Variants in NRL observed in about 807,000 individuals in gnomAD.
The protein encoded by NRL is neural retina-specific leucine zipper protein.
A neutral mutation model predicts 12.5 loss-of-function variants in NRL; 16 were observed. That is an observed-to-expected ratio of 1.28 (90% CI 0.87 to 1.95). The LOEUF is 1.95. NRL is among the 30% of genes most tolerant of loss of function. The pLI, the probability that NRL is intolerant of heterozygous loss-of-function variation, is 0.00. For missense variants in NRL, 314 were observed against 325.8 expected (o/e 0.96, Z 0.28); for synonymous variants, 142 against 150.9 (o/e 0.94, Z 0.43).
At chr14:24,093,155 T>C (rs2036688348) in intron 1 of NRL, 2 of 152,406 alleles carry the variant, frequency 1.3e-5, no homozygotes, top group African/African-American at 2.4e-5. Context: ...GAGGAGATGG[T>C]TCCCCAAAAG....
intron 1 of NRL, among the ~76,000 whole-genome samples, chr14:24,090,628 C>T (rs1357625000): frequency 6.6e-6 from 1 of 152,192 alleles, no homozygotes; most frequent in Non-Finnish European, 1.5e-5. Flanking sequence ...CACACCACAG[C>T]ATCACTACTC....
Position 24,081,717 on chromosome 14 carries a change from C to T in NRL, c.382-149G>A. The T allele has an allele frequency of 2.6e-6, 4 of 1,523,714 alleles. No individual in the cohort carries two copies. The highest frequency in any genetic ancestry group is 3.5e-6 in the Non-Finnish European group (4 of 1,140,748). 94.4% of individuals were successfully genotyped at this position (1,523,714 alleles called of 1,614,324 possible). A position where few individuals can be genotyped will look rare whatever the true frequency, so the allele number is the denominator to read the frequency against. ...GCTCGCCCTTCCACGCAGTCTGTTTCGGTCCAGAGCCCGCCCCAGGCCCCG... is the reference window on the plus strand; with the variant it reads ...GCTCGCCCTTCCACGCAGTCTGTTTTGGTCCAGAGCCCGCCCCAGGCCCCG... On this transcript the variant is annotated intron_variant, in intron 2 of 2. Coordinates refer to ENST00000561028, the MANE Select transcript of NRL (RefSeq NM_001354768.3). The surrounding 1 kb of genome is among the most constrained non-coding windows in gnomAD (Gnocchi z 4.4).
At chr14:24,098,686 C>A (rs1223020172) in intron 1 of NRL, 5 of 1,611,216 alleles carry the variant, frequency 3.1e-6, no homozygotes, top group South Asian at 2.2e-5. Context: ...AAGGTAAGCA[C>A]CTGCTCTGCC....
At chr14:24,096,432 T>G (rs1020670092) in intron 1 of NRL, among the ~76,000 whole-genome samples, 6 of 152,090 alleles carry the variant, frequency 3.9e-5, no homozygotes, top group Non-Finnish European at 5.9e-5. Context: ...AGATGGGGTT[T>G]CACCATGTTG....
intron 1 of NRL, among the ~76,000 whole-genome samples, chr14:24,109,742 A>C (rs955117441): frequency 5.9e-5 from 9 of 152,082 alleles, no homozygotes; most frequent in Non-Finnish European, 1.0e-4. Context: ...AAATTAATCA[A>C]TGAATCCAGT....
Position 24,082,505 on chromosome 14 carries a change from G to T in NRL, c.344C>A (p.Pro115Gln). Residue 115 changes from proline (P) to glutamine (Q), a missense_variant, in exon 2 of 3, where the codon CCA becomes CAA. Transcript: ENST00000561028. ...VPVDGPHGYYPGSPEETGAQH... is the reference protein window; with the variant it reads ...VPVDGPHGYYQGSPEETGAQH... ...GGCTCCTGTCTCCTCTGGGCTCCCTGGGTAGTAGCCATGGGGCCCATCAAC... is the reference window on the plus strand; with the variant it reads ...GGCTCCTGTCTCCTCTGGGCTCCCTTGGTAGTAGCCATGGGGCCCATCAAC... The T allele has an allele frequency of 6.2e-7, 1 of 1,613,114 alleles. No individual in the cohort carries two copies.
At position 24,082,677 on chromosome 14, in the gene NRL, T is replaced by C. The variant is rs932990682; in HGVS notation, c.172A>G (p.Met58Val). ...PPSPTFSEPGMVGATEGTRPG... is the reference protein window; with the variant it reads ...PPSPTFSEPGVVGATEGTRPG... ...CGGGTGCCCTCGGTTGCCCCCACCATGCCTGGTTCACTGAAGGTGGGTGAA... is the reference window on the plus strand; with the variant it reads ...CGGGTGCCCTCGGTTGCCCCCACCACGCCTGGTTCACTGAAGGTGGGTGAA... The change falls in exon 2 of 3, where the codon ATG becomes GTG. Residue 58 changes from methionine (M) to valine (V), a missense_variant. By Grantham distance (21) the Met-to-Val change is conservative. Coordinates refer to ENST00000561028, the MANE Select transcript of NRL (RefSeq NM_001354768.3). 4 of 1,614,104 alleles carry C rather than the reference T, an allele frequency of 2.5e-6. No individual in the cohort carries two copies. The South Asian group carries it at 3.3e-5, about 13-fold the overall frequency.
chr14:24,094,478 G>C lies in NRL; in HGVS notation c.-27-11603C>G, dbSNP rs756195395. 6.7e-7 allele frequency: 1 copy of C among 1,494,128 alleles called. No homozygotes were observed. Among genetic ancestry groups the C allele is most frequent in the South Asian group, 1.3e-5 (1 of 78,026 alleles). 92.6% of individuals were successfully genotyped at this position (1,494,128 alleles called of 1,614,324 possible). ...GGGGCCCACCCGCACCTTCCGCTGCGCTCGCCCCCTCGGGGCTGCCAGTGG... is the reference window on the plus strand; with the variant it reads ...GGGGCCCACCCGCACCTTCCGCTGCCCTCGCCCCCTCGGGGCTGCCAGTGG... On this transcript the variant is annotated intron_variant, in intron 1 of 2. Coordinates refer to ENST00000561028, the MANE Select transcript of NRL (RefSeq NM_001354768.3). This position sits in a 1 kb window ranked among gnomAD's most constrained non-coding sequence, Gnocchi z 4.1.
intron 1 of NRL, among the ~76,000 whole-genome samples, chr14:24,086,195 CAG>C (rs1207020165): frequency 2.6e-5 from 4 of 151,840 alleles, no homozygotes; most frequent in Non-Finnish European, 5.9e-5. Flanking sequence ...GCTTGGGCAA[CAG>C]AGAGAGACTC....
rs1204259300 is a variant in NRL at position 24,085,148 on chromosome 14, C to T, written c.-27-2273G>A. On this transcript the variant is annotated intron_variant, in intron 1 of 2. Transcript: ENST00000561028. This position sits in a 1 kb window ranked among gnomAD's most constrained non-coding sequence, Gnocchi z 4.1. ...CTGACTGGTCTTATGCCCCTCATAG[C>T]CGTCGCATCAGAAAGGAAAGCAACT... 2.6e-5 allele frequency among the ~76,000 whole-genome samples: 4 copies of T among 152,204 alleles called. No homozygotes were observed. Among genetic ancestry groups the T allele is most frequent in the African/African-American group, 9.7e-5 (4 of 41,440 alleles).
Position 24,085,607 on chromosome 14 carries a change from T to A in NRL, c.-27-2732A>T, listed in dbSNP as rs1173263735. Among the ~76,000 whole-genome samples, 5 of 152,196 alleles carry A rather than the reference T, an allele frequency of 3.3e-5. No individual in the cohort carries two copies. The highest frequency in any genetic ancestry group is 1.2e-4 in the African/African-American group (5 of 41,424). ...TGGAGTTAAAGGCCACTTCCTACCTTCTGAGGCCACCCAAATACTCCCATG... is the reference window on the plus strand; with the variant it reads ...TGGAGTTAAAGGCCACTTCCTACCTACTGAGGCCACCCAAATACTCCCATG... On this transcript the variant is annotated intron_variant, in intron 1 of 2. Coordinates refer to ENST00000561028, the MANE Select transcript of NRL (RefSeq NM_001354768.3). This position sits in a 1 kb window ranked among gnomAD's most constrained non-coding sequence, Gnocchi z 4.1.
chr14:24,098,385 A>G (rs1220808082), intron 1 of NRL: 3 of 1,611,866 alleles, frequency 1.9e-6, no homozygotes, highest in Non-Finnish European at 1.7e-6. Context: ...GGCTGCATGC[A>G]GGGTAACCAG....
Position 24,081,685 on chromosome 14 carries a change from C to G in NRL, c.382-117G>C. 4 of 1,526,754 alleles carry G rather than the reference C, an allele frequency of 2.6e-6. No homozygotes were observed. The highest frequency in any genetic ancestry group is 3.5e-6 in the Non-Finnish European group (4 of 1,138,478). 94.6% of individuals were successfully genotyped at this position (1,526,754 alleles called of 1,614,324 possible). A position where few individuals can be genotyped will look rare whatever the true frequency, so the allele number is the denominator to read the frequency against. On this transcript the variant is annotated intron_variant, in intron 2 of 2. Transcript: ENST00000561028. The surrounding 1 kb of genome is among the most constrained non-coding windows in gnomAD (Gnocchi z 4.4). ...AGCCCCGCCCCGGCTCCCACCTTCA[C>G]CGGAAGGCTCGCCCTTCCACGCAGT...
At chr14:24,103,063 G>T in intron 1 of NRL, 1 of 1,215,696 alleles carries the variant, frequency 8.2e-7, no homozygotes, top group Non-Finnish European at 1.2e-6. Context: ...GATAGCCGAG[G>T]TCTTAGGAGA....
At chr14:24,093,935 T>C (rs748879856) in intron 1 of NRL, 3 of 464,058 alleles carry the variant, frequency 6.5e-6, no homozygotes, top group Non-Finnish European at 1.1e-5. Flanking sequence ...CCCCCTAACT[T>C]CTAGACGTCT....
rs952934833 is a variant in NRL, at chr14:24,079,356, C to T, written c.*1880G>A. On this transcript the variant is annotated 3_prime_UTR_variant, in exon 3 of 3. Transcript: ENST00000561028. ...GAGTGAGAGAAAAAGAGCTGGGCTC[C>T]CGGAAGGACCCTCCCTGCCCCATCC... is the stretch of plus-strand genomic sequence containing the variant. Among the ~76,000 whole-genome samples the T allele has an allele frequency of 6.6e-6, 1 of 152,138 alleles. No homozygotes were observed. The highest frequency in any genetic ancestry group is 1.5e-5 in the Non-Finnish European group (1 of 68,042).
chr14:24,104,435 C>T (rs764327131), intron 1 of NRL, among the ~76,000 whole-genome samples: 12 of 150,312 alleles, frequency 8.0e-5, no homozygotes, highest in Middle Eastern at 3.4e-3. Context: ...TGAGACCATC[C>T]GGGCTAACAC....
At chr14:24,100,308 C>A in intron 1 of NRL, 1 of 1,540,080 alleles carries the variant, frequency 6.5e-7, no homozygotes. Context: ...TCTTCTAGGA[C>A]TGCCAGGAGG....
rs773617387 is a variant in NRL, at chr14:24,098,671, A to C, written c.-27-15796T>G. 3 of 1,613,416 alleles carry C rather than the reference A, an allele frequency of 1.9e-6. No individual in the cohort carries two copies. The African/African-American group carries it at 4.0e-5, about 22-fold the overall frequency. On this transcript the variant is annotated intron_variant, in intron 1 of 2. Transcript: ENST00000561028. ...TGCACTCCGTGGGCCAGCCCCTGAC[A>C]GGACAAGGTAAGCACCTGCTCTGCC...
Sources: gnomAD v4.1 joint callset for allele counts (sites outside exome capture counted in the v4.1 genomes callset) on GRCh38, gnomAD v4.1.1 for gene constraint, Gnocchi (gnomAD v3.1) non-coding constraint, MANE v1.5 for transcripts, NCBI Gene and HGNC (gene_info 2026-07-23, HGNC 2026-07-21) for gene names.